Variants in MCF2L2 observed in about 807,000 individuals in gnomAD.
The protein encoded by MCF2L2 is MCF.2 cell line derived transforming sequence-like 2.
A neutral mutation model predicts 150.2 loss-of-function variants in MCF2L2; 102 were observed. The ratio of observed to expected loss-of-function variants is 0.68; its 90% CI spans 0.58 to 0.80. The LOEUF (loss-of-function observed/expected upper bound fraction) is 0.80, where lower values mean the gene tolerates loss of function less well. Among genes scored for constraint, MCF2L2 ranks in the 30% least tolerant of loss-of-function variants. The pLI is 0.00. For missense variants in MCF2L2, 1,256 were observed against 1,372.8 expected (o/e 0.91, Z 1.34); for synonymous variants, 465 against 491.3 (o/e 0.95, Z 0.71).
chr3:183,412,219 C>A (rs1455151697), intron 1 of MCF2L2, among the ~76,000 whole-genome samples: 2 of 152,122 alleles, frequency 1.3e-5, no homozygotes, highest in Non-Finnish European at 2.9e-5. Context: ...GCATGTAGAG[C>A]CCCTAGGAGT....
At chr3:183,321,088 C>G (rs73068096) in intron 6 of MCF2L2, among the ~76,000 whole-genome samples, 21,584 of 152,098 alleles carry the variant, frequency 0.14, 1,695 homozygotes, top group African/African-American at 0.2. Flanking sequence ...TTTTCGGCAC[C>G]CCAAAACAAT....
intron 16 of MCF2L2, among the ~76,000 whole-genome samples, chr3:183,230,721 T>C (rs1723519764): frequency 6.6e-6 from 1 of 152,230 alleles, no homozygotes; most frequent in Non-Finnish European, 1.5e-5. Flanking sequence ...TATTTGGGCT[T>C]TGCTGGAATC....
At chr3:183,287,865 C>T (rs1398521576) in intron 14 of MCF2L2, 1 of 152,228 alleles carries the variant, frequency 6.6e-6, no homozygotes, top group African/African-American at 2.4e-5. Context: ...CGGACTCTTT[C>T]AAGGTCAGTG....
At position 183,295,327 on chromosome 3, in the gene MCF2L2, A is replaced by G. The variant is rs761287436; in HGVS notation, c.1648T>C (p.Ser550Pro). 1 of 1,609,588 alleles carries G rather than the reference A, an allele frequency of 6.2e-7. No homozygotes were observed. The highest frequency in any genetic ancestry group is 8.5e-7 in the Non-Finnish European group (1 of 1,178,210). The change falls in exon 13 of 30, where the codon TCA becomes CCA. Residue 550 changes from serine (S) to proline (P), a missense_variant. By Grantham distance (74) the Ser-to-Pro change is moderately conservative (BLOSUM62 -1). Transcript: ENST00000328913. The part of the protein sequence containing the change: ...HPESSPKWVS[S>P]KTSQPSTSVP... The stretch of plus-strand genomic sequence containing the variant: ...GAGGTGGAGGGCTGGCTGGTTTTTG[A>G]TGACACCCATTTTGGTGAAGACTCA...
chr3:183,199,753 C>G (rs542434070), intron 25 of MCF2L2, among the ~76,000 whole-genome samples: 1 of 151,064 alleles, frequency 6.6e-6, no homozygotes, highest in African/African-American at 2.5e-5. Flanking sequence ...TGTATATCCC[C>G]TAATGCTATC....
chr3:183,341,651 T>G (rs1730700253), intron 3 of MCF2L2, 21 bp from the exon 4 acceptor site: 1 of 1,567,032 alleles, frequency 6.4e-7, no homozygotes. Context: ...GGGTGGTCAG[T>G]GTCAGAGATT....
chr3:183,223,497 G>A lies in MCF2L2; in HGVS notation c.2209-59C>T. 6 of 1,326,028 alleles carry A rather than the reference G, an allele frequency of 4.5e-6. No individual in the cohort carries two copies. In the South Asian group the frequency reaches 4.7e-5, roughly 10 times the overall value. 82.1% of individuals were successfully genotyped at this position (1,326,028 alleles called of 1,614,324 possible). On this transcript the variant is annotated intron_variant, in intron 19 of 29. Coordinates refer to ENST00000328913, the MANE Select transcript of MCF2L2 (RefSeq NM_015078.4). Reference sequence around the variant, plus strand: ...AACAAACAACACACACAGAATAAAAGTGGCAGCATTTAGGTACAAAACACA... The same window carrying A: ...AACAAACAACACACACAGAATAAAAATGGCAGCATTTAGGTACAAAACACA...
At chr3:183,343,615 C>T (rs182383672) in intron 3 of MCF2L2, among the ~76,000 whole-genome samples, 1 of 152,210 alleles carries the variant, frequency 6.6e-6, no homozygotes, top group East Asian at 1.9e-4. Flanking sequence ...GGCGATCCAC[C>T]CACCTCAATC....
At chr3:183,192,132 A>G (rs911962054) in intron 27 of MCF2L2, among the ~76,000 whole-genome samples, 2 of 99,246 alleles carry the variant, frequency 2.0e-5, no homozygotes, top group South Asian at 3.6e-4. Flanking sequence ...TACAGGCATG[A>G]GTATTTTATT....
intron 21 of MCF2L2, among the ~76,000 whole-genome samples, 195 bp downstream of exon 21, chr3:183,219,661 G>A (rs1285520943): frequency 1.3e-5 from 2 of 151,142 alleles, no homozygotes; most frequent in African/African-American, 4.9e-5. Flanking sequence ...ACTTCCATTT[G>A]GGCTGCAAAT....
chr3:183,405,683 ATT>A (rs892088410), intron 1 of MCF2L2, among the ~76,000 whole-genome samples: 1 of 152,200 alleles, frequency 6.6e-6, no homozygotes, highest in African/African-American at 2.4e-5. Flanking sequence ...CAGTTTATCA[ATT>A]CTCCAGGTGA....
At chr3:183,404,058 A>G (rs1714912273) in intron 1 of MCF2L2, among the ~76,000 whole-genome samples, 1 of 150,232 alleles carries the variant, frequency 6.7e-6, no homozygotes, top group South Asian at 2.1e-4. Flanking sequence ...AAAGACATCA[A>G]AAACAAAATT....
intron 25 of MCF2L2, among the ~76,000 whole-genome samples, chr3:183,196,671 G>T (rs1220333415): frequency 1.3e-5 from 2 of 152,080 alleles, no homozygotes; most frequent in African/African-American, 4.8e-5. Flanking sequence ...GAGCCTACTT[G>T]GTGCACCAGG....
rs1455091446 is a variant in MCF2L2 at position 183,309,780 on chromosome 3, C to G, written c.1049G>C (p.Gly350Ala). ...LEEQAEFTGIGDSVMHVEQIL... is the reference protein window; with the variant it reads ...LEEQAEFTGIADSVMHVEQIL... ...CTGCTCCACGTGCATCACGCTGTCT[C>G]CAATGCCTGTAAACTCTGCTTGCTC... The change falls in exon 10 of 30, where the codon GGA (glycine) becomes GCA (alanine). Residue 350 changes from glycine (G) to alanine (A), a missense_variant. By Grantham distance (60) the Gly-to-Ala change is moderately conservative. Coordinates refer to ENST00000328913, the MANE Select transcript of MCF2L2 (RefSeq NM_015078.4). 1 of 1,613,874 alleles carries G rather than the reference C, an allele frequency of 6.2e-7. No homozygotes were observed. Among genetic ancestry groups the G allele is most frequent in the Non-Finnish European group, 8.5e-7 (1 of 1,180,010 alleles).
intron 3 of MCF2L2, among the ~76,000 whole-genome samples, chr3:183,360,893 C>T (rs557082670): frequency 8.6e-5 from 13 of 150,318 alleles, no homozygotes; most frequent in East Asian, 3.9e-4. Context: ...CGTTTGAATC[C>T]GGGAGGCAGA....
At chr3:183,206,688 A>G (rs952173127) in intron 23 of MCF2L2, among the ~76,000 whole-genome samples, 1 of 152,110 alleles carries the variant, frequency 6.6e-6, no homozygotes, top group Admixed American at 6.6e-5. Context: ...CCTGACCAAC[A>G]TGGTGAAACC....
At chr3:183,385,366 T>A (rs1713771304) in intron 2 of MCF2L2, among the ~76,000 whole-genome samples, 1 of 152,182 alleles carries the variant, frequency 6.6e-6, no homozygotes, top group Non-Finnish European at 1.5e-5. Context: ...GGGGCTCCGA[T>A]CTCTTCCTTG....
At chr3:183,423,632 G>GTTTTTTTTTTTTTTTTTT (rs34400256) in intron 1 of MCF2L2, among the ~76,000 whole-genome samples, 1 of 92,040 alleles carries the variant, frequency 1.1e-5, no homozygotes, top group Non-Finnish European at 2.1e-5. Flanking sequence ...AATTTTATTT[G>GTTTTTTTTTTTTTTTTTT]TTTTTTTTTT....
chr3:183,406,479 T>C (rs1486649633), intron 1 of MCF2L2, among the ~76,000 whole-genome samples: 2 of 152,194 alleles, frequency 1.3e-5, no homozygotes, highest in Non-Finnish European at 2.9e-5. Flanking sequence ...TTGTCAGATA[T>C]GCTATTCACA....
Sources: allele counts gnomAD v4.1 joint callset (sites outside exome capture counted in the v4.1 genomes callset), GRCh38; gene constraint gnomAD v4.1.1; transcripts MANE v1.5; gene names NCBI Gene and HGNC (gene_info 2026-07-23, HGNC 2026-07-21).